HYDIN: variants seen among roughly 807,000 people sequenced by gnomAD.
HYDIN encodes the protein axonemal central pair apparatus protein HYDIN.
A neutral mutation model predicts 403.9 loss-of-function variants in HYDIN; 132 were observed. The observed-to-expected ratio is 0.33, with a 90% CI of 0.28 to 0.38. The LOEUF (loss-of-function observed/expected upper bound fraction) is 0.38. HYDIN is among the 10% of genes least tolerant of loss of function. The pLI, the probability that HYDIN is intolerant of heterozygous loss-of-function variation, is 1.00. For missense variants in HYDIN, 2,827 were observed against 5,009.5 expected (o/e 0.56, Z 13.15); for synonymous variants, 1,202 against 1,891.7 (o/e 0.64, Z 9.46).
chr16:71,136,766 C>CAAAAAAAAA (rs72061209), intron 8 of HYDIN, among the ~76,000 whole-genome samples: 4 of 101,366 alleles, frequency 3.9e-5, no homozygotes, highest in Non-Finnish European at 4.3e-5. Context: ...GACTCCATCT[C>CAAAAAAAAA]AAAAAAAAAA....
chr16:70,982,907 A>G (rs58521837), intron 28 of HYDIN, among the ~76,000 whole-genome samples: 7,332 of 146,554 alleles, frequency 0.05, 635 homozygotes, highest in African/African-American at 0.18. Flanking sequence ...TTCTAGGTCA[A>G]AGTATAATTT....
chr16:71,084,135 GAATT>G (rs1388194139), intron 12 of HYDIN, among the ~76,000 whole-genome samples: 11 of 139,726 alleles, frequency 7.9e-5, no homozygotes, highest in African/African-American at 2.5e-4. Flanking sequence ...TTTTTAAATT[GAATT>G]ATTTATTGAG....
In HYDIN at chr16:71,186,862, C is replaced by T; in HGVS notation, c.34G>A (p.Ala12Thr). 6.2e-7 allele frequency: 1 copy of T among 1,612,538 alleles called. No homozygotes were observed. The highest frequency in any genetic ancestry group is 8.5e-7 in the Non-Finnish European group (1 of 1,178,824). ...ATATTGACCAATCCCATCTGAACAG[C>T]CCCCATGGACTCCTCAAGTCTTCTA... ...TSRRLEESMG[A>T]VQMGLVNMFK... The change falls in exon 2 of 86, where the codon GCT (alanine) becomes ACT (threonine). Residue 12 changes from alanine to threonine, a missense_variant. Physicochemically the swap from Ala to Thr is moderately conservative, Grantham distance 58. Coordinates refer to ENST00000393567, the MANE Select transcript of HYDIN (RefSeq NM_001270974.2).
At chr16:70,923,606 T>C (rs1211207858) in intron 45 of HYDIN, among the ~76,000 whole-genome samples, 6 of 110,084 alleles carry the variant, frequency 5.5e-5, no homozygotes, top group African/African-American at 2.2e-4. Context: ...ATCTAGACCA[T>C]CCTGGCTAAC....
chr16:70,891,113 A>T, intron 57 of HYDIN, among the ~76,000 whole-genome samples: 1 of 152,146 alleles, frequency 6.6e-6, no homozygotes, highest in East Asian at 1.9e-4. Context: ...AAATCTATGA[A>T]ACCTGGAGTC....
intron 7 of HYDIN, among the ~76,000 whole-genome samples, chr16:71,149,582 A>C (rs1010251997): frequency 3.3e-5 from 5 of 152,054 alleles, no homozygotes; most frequent in African/African-American, 1.2e-4. Context: ...GCTGGAGTGC[A>C]GTAGTGCAAT....
At chr16:70,914,256 G>C (rs1008924758) in intron 47 of HYDIN, among the ~76,000 whole-genome samples, 1 of 152,002 alleles carries the variant, frequency 6.6e-6, no homozygotes, top group African/African-American at 2.4e-5. Flanking sequence ...CTTTAAAGAA[G>C]TTCTGTTTTG....
intron 38 of HYDIN, among the ~76,000 whole-genome samples, 188 bp from the exon 39 acceptor site, chr16:70,960,008 T>C (rs1316339832): frequency 6.6e-6 from 1 of 152,262 alleles, no homozygotes; most frequent in Non-Finnish European, 1.5e-5. Flanking sequence ...AATTTGTTTA[T>C]AGCTACTAAA....
intron 62 of HYDIN, among the ~76,000 whole-genome samples, chr16:70,875,840 T>G (rs9922981): frequency 0.026 from 3,920 of 152,106 alleles, 87 homozygotes; most frequent in African/African-American, 0.088. Flanking sequence ...GAGAGATTAA[T>G]AGGTGAAAAT....
intron 5 of HYDIN, among the ~76,000 whole-genome samples, chr16:71,170,279 C>A (rs2086409159): frequency 6.6e-6 from 1 of 151,998 alleles, no homozygotes; most frequent in African/African-American, 2.4e-5. Flanking sequence ...CCAGTAAGTG[C>A]AAAATAAATT....
At chr16:70,849,038 T>A (rs2038424552) in intron 75 of HYDIN, among the ~76,000 whole-genome samples, 1 of 152,008 alleles carries the variant, frequency 6.6e-6, no homozygotes, top group Middle Eastern at 3.2e-3. Context: ...TGAGGGGGGG[T>A]TCCACTGAAC....
intron 62 of HYDIN, among the ~76,000 whole-genome samples, 166 bp from the exon 63 acceptor site, chr16:70,875,085 C>T (rs941966839): frequency 6.6e-6 from 1 of 151,862 alleles, no homozygotes; most frequent in South Asian, 2.1e-4. Flanking sequence ...AAATATTAGA[C>T]CTGGAGAGGA....
At chr16:70,855,412 C>T (rs2038956472) in intron 72 of HYDIN, 137 bp from the exon 73 acceptor site, 1 of 676,586 alleles carries the variant, frequency 1.5e-6, no homozygotes, top group African/African-American at 1.9e-5. Context: ...CTCTTCTTTC[C>T]TTTTCCTCTA....
intron 21 of HYDIN, among the ~76,000 whole-genome samples, chr16:71,022,272 A>G (rs547348303): frequency 1.9e-4 from 29 of 152,326 alleles, no homozygotes; most frequent in Non-Finnish European, 4.0e-4. Context: ...CAGAGAGGCC[A>G]TTCTATTTTA....
At position 71,069,478 on chromosome 16, in the gene HYDIN, G is replaced by T; in HGVS notation, c.1763C>A (p.Ser588Tyr). 1 of 1,613,528 alleles carries T rather than the reference G, an allele frequency of 6.2e-7. No homozygotes were observed. The highest frequency in any genetic ancestry group is 8.5e-7 in the Non-Finnish European group (1 of 1,179,702). ...SFGFPHTLIC[S>Y]LNNTSLIPMT... is the part of the protein sequence containing the mutation. ...GGGGATCAAAGAGGTATTATTGAGG[G>T]AACATATCAAGGTATGAGGAAACCC... The change falls in exon 14 of 86, where the codon TCC (serine) becomes TAC (tyrosine). Residue 588 changes from serine (S) to tyrosine (Y), a missense_variant. Physicochemically the swap from Ser to Tyr is moderately radical, Grantham distance 144. Transcript: ENST00000393567.
At chr16:70,920,570 A>G (rs747333952) in intron 46 of HYDIN, 21 bp downstream of exon 46, 18 of 1,571,840 alleles carry the variant, frequency 1.1e-5, no homozygotes, top group African/African-American at 4.1e-5. Flanking sequence ...AGACTTCCCC[A>G]CCCTGGAGGA....
intron 41 of HYDIN, among the ~76,000 whole-genome samples, chr16:70,948,619 C>G (rs2077958579): frequency 6.6e-6 from 1 of 151,658 alleles, no homozygotes; most frequent in South Asian, 2.1e-4. Flanking sequence ...AAGAAAAAAA[C>G]AAACAACCCC....
chr16:70,892,287 C>T, intron 56 of HYDIN, 74 bp downstream of exon 56: 3 of 1,537,302 alleles, frequency 2.0e-6, no homozygotes, highest in East Asian at 4.5e-5. Flanking sequence ...TGGATTAGGT[C>T]ATGTATCCTT....
chr16:70,831,216 G>A (rs2036959118), intron 80 of HYDIN, among the ~76,000 whole-genome samples: 1 of 151,758 alleles, frequency 6.6e-6, no homozygotes, highest in Non-Finnish European at 1.5e-5. Context: ...CCAATGTTAA[G>A]AAGAATCAGA....
Sources: gnomAD v4.1 joint callset for allele counts (sites outside exome capture counted in the v4.1 genomes callset) on GRCh38, gnomAD v4.1.1 for gene constraint, MANE v1.5 for transcripts, NCBI Gene and HGNC (gene_info 2026-07-23, HGNC 2026-07-21) for gene names.